The following SMG1 variants were observed in gnomAD, a reference collection of about 807,000 sequenced individuals.
SMG1 encodes SMG1 nonsense mediated mRNA decay associated PI3K related kinase.
A neutral mutation model predicts 419.9 loss-of-function variants in SMG1; 22 were observed. The ratio of observed to expected loss-of-function variants is 0.05; its 90% CI spans 0.04 to 0.07. SMG1 has a LOEUF of 0.07. Ranked by LOEUF, SMG1 falls within the 10% of genes least tolerant of loss-of-function variation. The probability of loss-of-function intolerance (pLI) is 1.00; values close to 1 mark genes in which losing one functional copy is unlikely to be tolerated. For synonymous variants in SMG1, 1,538 were observed against 1,553.5 expected (o/e 0.99, Z 0.23); for missense variants, 3,185 against 4,342.0 (o/e 0.73, Z 7.49).
At chr16:18,841,254 C>G (rs1019939833) in intron 41 of SMG1, among the ~76,000 whole-genome samples, 2 of 151,822 alleles carry the variant, frequency 1.3e-5, no homozygotes, top group African/African-American at 4.8e-5. Flanking sequence ...ACAAAAATTA[C>G]CCAGGTGTGG....
At chr16:18,844,227 G>C (rs896508129) in intron 39 of SMG1, among the ~76,000 whole-genome samples, 1 of 151,906 alleles carries the variant, frequency 6.6e-6, no homozygotes, top group South Asian at 2.1e-4. Flanking sequence ...CCAGGAGTTC[G>C]AGACCAGCCT....
In SMG1 at chr16:18,835,082, C is replaced by T. The variant is rs778490858; in HGVS notation, c.8140G>A (p.Ala2714Thr). The T allele has an allele frequency of 1.1e-5, 18 of 1,613,830 alleles. No individual in the cohort carries two copies. The highest frequency in any genetic ancestry group is 1.3e-5 in the African/African-American group (1 of 74,876). ...TATEMTLQRY[A>T]ADINSRLIRQ... ...ATAAGTCTGCTGTTGATGTCTGCTG[C>T]GTATCGCTGCAGGGTCATTTCAGTG... The change falls in exon 49 of 63, where the codon GCA becomes ACA. Residue 2714 changes from alanine to threonine, a missense_variant. Ala to Thr is a moderately conservative substitution (Grantham distance 58). This residue lies in a region of SMG1 where 412 missense variants were observed against 546.6 expected (regional missense o/e 0.75). Transcript: ENST00000446231.
At chr16:18,877,590 T>G (rs1362764869) in intron 11 of SMG1, 1 of 166,494 alleles carries the variant, frequency 6.0e-6, no homozygotes, top group Admixed American at 5.7e-5. Flanking sequence ...AACTATAAAA[T>G]TAGTTAATAA....
intron 11 of SMG1, chr16:18,878,686 A>G (rs2036254119): frequency 6.6e-6 from 1 of 152,166 alleles, no homozygotes; most frequent in Non-Finnish European, 1.5e-5. Flanking sequence ...AAACACAAGT[A>G]AAGCTACACT....
At chr16:18,907,497 A>C (rs1189460252) in intron 1 of SMG1, among the ~76,000 whole-genome samples, 1 of 152,088 alleles carries the variant, frequency 6.6e-6, no homozygotes, top group Non-Finnish European at 1.5e-5. Flanking sequence ...CTAGAACTAC[A>C]GGTATGGAGT....
chr16:18,897,690 G>C (rs575508198), intron 1 of SMG1, among the ~76,000 whole-genome samples: 5 of 152,152 alleles, frequency 3.3e-5, no homozygotes, highest in African/African-American at 7.2e-5. Context: ...AAGGGTAAAA[G>C]TGTGTCCTCA....
intron 60 of SMG1, among the ~76,000 whole-genome samples, chr16:18,812,631 C>CAT (rs1259941315): frequency 5.9e-5 from 8 of 135,178 alleles, no homozygotes; most frequent in Admixed American, 3.8e-4. Flanking sequence ...TATATATACA[C>CAT]ATATATATAC....
Position 18,859,644 on chromosome 16 carries a change from T to A in SMG1, c.3865A>T (p.Ile1289Phe), listed in dbSNP as rs762417188. 6 of 1,613,246 alleles carry A rather than the reference T, an allele frequency of 3.7e-6. No homozygotes were observed. The change falls in exon 27 of 63, where the codon ATT (isoleucine) becomes TTT (phenylalanine). Residue 1289 changes from isoleucine (I) to phenylalanine (F), a missense_variant. Physicochemically the swap from Ile to Phe is conservative, Grantham distance 21 (BLOSUM62 0). Around this residue, in one of 27 missense-constraint regions of SMG1, gnomAD observed 120 missense variants for 193.3 expected, o/e 0.62. Coordinates refer to ENST00000446231, the MANE Select transcript of SMG1 (RefSeq NM_015092.5). Reference sequence around the variant, plus strand: ...GAACTTCTTAACAATTGAACTTCAATGGATTTCTGAAGTTCCCTCGGATCC... The same window carrying A: ...GAACTTCTTAACAATTGAACTTCAAAGGATTTCTGAAGTTCCCTCGGATCC... ...SPDPRELQKSIEVQLLRSSVC... is the reference protein window; with the variant it reads ...SPDPRELQKSFEVQLLRSSVC...
rs1221060324 is a variant in SMG1, at chr16:18,876,272, T to G, written c.1742A>C (p.His581Pro). ...ACAGGCCTCAGGAAGTTGTAGACTGTGTAGGAGGTTGTTTAGGGCACAAGT... is the reference window on the plus strand; with the variant it reads ...ACAGGCCTCAGGAAGTTGTAGACTGGGTAGGAGGTTGTTTAGGGCACAAGT... The part of the protein sequence containing the change: ...EMTCALNNLL[H>P]SLQLPEACSE... Residue 581 changes from histidine (H) to proline (P), a missense_variant, in exon 13 of 63, where the codon CAC becomes CCC. Transcript: ENST00000446231. 1 of 1,611,780 alleles carries G rather than the reference T, an allele frequency of 6.2e-7. No homozygotes were observed.
intron 2 of SMG1, 30 bp downstream of exon 2, chr16:18,896,763 A>G (rs752231803): frequency 8.0e-5 from 124 of 1,554,284 alleles, no homozygotes; most frequent in Non-Finnish European, 1.0e-4. Flanking sequence ...TTCAAAAAAC[A>G]TGCTTGTAGC....
At chr16:18,891,896 G>C (rs1368983255) in intron 4 of SMG1, among the ~76,000 whole-genome samples, 1 of 152,114 alleles carries the variant, frequency 6.6e-6, no homozygotes, top group Non-Finnish European at 1.5e-5. Context: ...CTGAATTCCT[G>C]GGCTCAAGTG....
At chr16:18,870,133 T>C (rs544994183) in intron 18 of SMG1, 139 bp from the exon 19 acceptor site, 1 of 611,660 alleles carries the variant, frequency 1.6e-6, no homozygotes, top group South Asian at 2.0e-5. Flanking sequence ...GATACAGAGA[T>C]GTGATTACAA....
chr16:18,907,815 G>T (rs2037624799), intron 1 of SMG1, among the ~76,000 whole-genome samples: 1 of 118,336 alleles, frequency 8.5e-6, no homozygotes, highest in South Asian at 2.9e-4. Flanking sequence ...TCACGCCACT[G>T]CATTCCCACC....
Position 18,877,167 on chromosome 16 carries a change from A to G in SMG1, c.1584T>C (p.Ser528=), listed in dbSNP as rs1245000495. The change falls in exon 12 of 63, where the codon TCT becomes TCC. Residue 528 remains serine, a synonymous_variant. Coordinates refer to ENST00000446231, the MANE Select transcript of SMG1 (RefSeq NM_015092.5). ...SFVEKLFIPS[S]KLLFLRYHKE... is the part of the protein sequence containing the mutation. ...TATGATAACGCAAGAATAGTAGTTTAGATGATGGTATAAACAGTTTTTCTA... is the reference window on the plus strand; with the variant it reads ...TATGATAACGCAAGAATAGTAGTTTGGATGATGGTATAAACAGTTTTTCTA... 2 of 1,557,488 alleles carry G rather than the reference A, an allele frequency of 1.3e-6. No homozygotes were observed. The highest frequency in any genetic ancestry group is 2.7e-5 in the African/African-American group (2 of 74,276).
In SMG1 at chr16:18,815,998, G is replaced by A. The variant is rs562531238; in HGVS notation, c.10302+304C>T. On this transcript the variant is annotated intron_variant, in intron 58 of 62. Coordinates refer to ENST00000446231, the MANE Select transcript of SMG1 (RefSeq NM_015092.5). ...TGGGTTTGTTGGTATAGCTAAGAAA[G>A]AGAAAGACAAGCTGGATATCTGAAT... 367 of 461,788 alleles carry A rather than the reference G, an allele frequency of 7.9e-4. 1 individual carries two copies. The highest frequency in any genetic ancestry group is 9.3e-4 in the Non-Finnish European group (244 of 260,988). 28.6% of individuals were successfully genotyped at this position (461,788 alleles called of 1,614,324 possible).
intron 11 of SMG1, chr16:18,879,099 T>A (rs905418549): frequency 2.1e-5 from 6 of 280,798 alleles, no homozygotes; most frequent in African/African-American, 1.3e-4. Flanking sequence ...GAAAATAATA[T>A]AATAAAGCAA....
chr16:18,916,522 A>G (rs1396234025), intron 1 of SMG1, among the ~76,000 whole-genome samples: 10 of 150,816 alleles, frequency 6.6e-5, no homozygotes, highest in African/African-American at 9.7e-5. Context: ...TCAAAAAAAA[A>G]AAAAAAAAAA....
chr16:18,894,938 C>T (rs1393245913), intron 3 of SMG1, among the ~76,000 whole-genome samples: 1 of 152,106 alleles, frequency 6.6e-6, no homozygotes, highest in Non-Finnish European at 1.5e-5. Flanking sequence ...CTGCCTCAGC[C>T]TCCCGTGTAG....
chr16:18,829,367 G>A lies in SMG1; in HGVS notation c.9522C>T (p.Asp3174=). Residue 3174 remains aspartate (D), a synonymous_variant, in exon 54 of 63, where the codon GAC becomes GAT. Coordinates refer to ENST00000446231, the MANE Select transcript of SMG1 (RefSeq NM_015092.5). ...SSYDTAWKKH[D]LVRRLETSIS... ...TACTGGTTTCTAGCCTTCGCACCAAGTCATGCTTCTTCCAGGCAGTGTCGT... is the reference window on the plus strand; with the variant it reads ...TACTGGTTTCTAGCCTTCGCACCAAATCATGCTTCTTCCAGGCAGTGTCGT... 3 of 1,614,044 alleles carry A rather than the reference G, an allele frequency of 1.9e-6. No individual in the cohort carries two copies. The South Asian group carries it at 3.3e-5, about 18-fold the overall frequency.
Sources: allele counts gnomAD v4.1 joint callset (sites outside exome capture counted in the v4.1 genomes callset), GRCh38; gene constraint gnomAD v4.1.1; regional missense constraint gnomAD v4.1.1; transcripts MANE v1.5; gene names NCBI Gene and HGNC (gene_info 2026-07-23, HGNC 2026-07-21).